Variants in MOXD1 observed in about 807,000 individuals in gnomAD.
MOXD1 encodes the protein DBH-like monooxygenase protein 1.
Under a neutral mutation model 66.6 loss-of-function variants are expected in MOXD1, and 62 were observed. The ratio of observed to expected loss-of-function variants is 0.93; its 90% CI spans 0.76 to 1.15. The LOEUF (loss-of-function observed/expected upper bound fraction) is 1.15. Among genes scored for constraint, MOXD1 ranks in the 50% most tolerant of loss-of-function variants. The pLI is 0.00. For missense variants in MOXD1, 847 were observed against 754.6 expected (o/e 1.12, Z -1.44); for synonymous variants, 303 against 281.9 (o/e 1.07, Z -0.75).
intron 1 of MOXD1, among the ~76,000 whole-genome samples, chr6:132,384,738 G>A (rs1776591592): frequency 6.6e-6 from 1 of 152,184 alleles, no homozygotes; most frequent in Admixed American, 6.5e-5. Flanking sequence ...GTGGGATGAA[G>A]CAAATAAAAG....
At chr6:132,338,148 C>A (rs929825133) in intron 4 of MOXD1, among the ~76,000 whole-genome samples, 11 of 152,114 alleles carry the variant, frequency 7.2e-5, no homozygotes, top group Admixed American at 5.2e-4. Flanking sequence ...GAAGATGAAG[C>A]ACATATAAGT....
At chr6:132,323,833 A>C in intron 7 of MOXD1, 98 bp downstream of exon 7, 2 of 1,300,718 alleles carry the variant, frequency 1.5e-6, no homozygotes, top group Non-Finnish European at 2.1e-6. Flanking sequence ...TCAACAAGAA[A>C]GGAATCGATA....
intron 1 of MOXD1, among the ~76,000 whole-genome samples, chr6:132,380,047 C>T (rs1010275469): frequency 8.5e-5 from 13 of 152,120 alleles, no homozygotes; most frequent in African/African-American, 2.4e-4. Flanking sequence ...CCACCATGCC[C>T]GGCCTGTAGT....
rs140079874 is a variant in MOXD1, at chr6:132,326,801, A to G, written c.946+1212T>C. 4.4e-3 allele frequency among the ~76,000 whole-genome samples: 667 copies of G among 152,328 alleles called. 2 individuals are homozygous for G. The highest frequency in any genetic ancestry group is 7.3e-3 in the Admixed American group (111 of 15,292). ...ATTAATTACTTTAGGGTAAAAAAAGATACTTTATTGGCTTGCTCACAAATA... is the reference window on the plus strand; with the variant it reads ...ATTAATTACTTTAGGGTAAAAAAAGGTACTTTATTGGCTTGCTCACAAATA... On this transcript the variant is annotated intron_variant, in intron 6 of 11. Transcript: ENST00000367963.
rs1159258092 is a variant in MOXD1 at position 132,382,909 on chromosome 6, TTGTC to T, written c.265-8136_265-8133del. 1.5e-4 allele frequency among the ~76,000 whole-genome samples: 23 copies of T among 152,322 alleles called. No individual in the cohort carries two copies. The East Asian group carries it at 4.4e-3, about 29-fold the overall frequency. ...CAGATGTTAAATTGGTTCTCACTCATTGTCAGTCTATTTTTCTCTCAAATAAAAT... is the reference window on the plus strand; with the variant it reads ...CAGATGTTAAATTGGTTCTCACTCATAGTCTATTTTTCTCTCAAATAAAAT... On this transcript the variant is annotated intron_variant, in intron 1 of 11. Coordinates refer to ENST00000367963, the MANE Select transcript of MOXD1 (RefSeq NM_015529.4).
intron 4 of MOXD1, among the ~76,000 whole-genome samples, chr6:132,340,101 T>C (rs972510481): frequency 1.3e-5 from 2 of 152,010 alleles, no homozygotes; most frequent in African/African-American, 4.8e-5. Flanking sequence ...AACTGGCTGG[T>C]CTCAAACTCC....
intron 4 of MOXD1, among the ~76,000 whole-genome samples, chr6:132,352,952 T>C (rs1230718768): frequency 1.3e-5 from 2 of 152,208 alleles, no homozygotes; most frequent in African/African-American, 4.8e-5. Context: ...GATGTAAGAA[T>C]AGCTACCCCT....
At chr6:132,376,501 CTTTTTTTTTT>C (rs1166086289) in intron 1 of MOXD1, among the ~76,000 whole-genome samples, 2 of 65,382 alleles carry the variant, frequency 3.1e-5, no homozygotes, top group East Asian at 8.6e-4. Context: ...ACTACAGCTT[CTTTTTTTTTT>C]TTTTTTTTTT....
At chr6:132,334,290 A>T (rs983208908) in intron 4 of MOXD1, among the ~76,000 whole-genome samples, 4 of 152,190 alleles carry the variant, frequency 2.6e-5, no homozygotes, top group African/African-American at 9.7e-5. Flanking sequence ...TCAGCTACTG[A>T]ATCCCATTGT....
intron 10 of MOXD1, among the ~76,000 whole-genome samples, chr6:132,306,035 G>A (rs920941336): frequency 6.6e-6 from 1 of 152,090 alleles, no homozygotes; most frequent in African/African-American, 2.4e-5. Flanking sequence ...GACAGAAGCA[G>A]GCTTCAGAAG....
intron 1 of MOXD1, among the ~76,000 whole-genome samples, chr6:132,383,329 A>G (rs1326654328): frequency 6.6e-6 from 1 of 152,200 alleles, no homozygotes; most frequent in Non-Finnish European, 1.5e-5. Flanking sequence ...TTAATAAGTT[A>G]TTTCTTCAGT....
chr6:132,382,120 T>A (rs1776523890), intron 1 of MOXD1, among the ~76,000 whole-genome samples: 1 of 152,114 alleles, frequency 6.6e-6, no homozygotes, highest in African/African-American at 2.4e-5. Context: ...TGTAATTGTA[T>A]AATATACGTA....
At chr6:132,342,034 G>A (rs575553046) in intron 4 of MOXD1, among the ~76,000 whole-genome samples, 2 of 151,886 alleles carry the variant, frequency 1.3e-5, no homozygotes, top group South Asian at 2.1e-4. Context: ...ATGGAGTCTC[G>A]CTCTGTTGCC....
At chr6:132,300,879 G>C (rs575504246) in intron 10 of MOXD1, among the ~76,000 whole-genome samples, 1 of 152,072 alleles carries the variant, frequency 6.6e-6, no homozygotes, top group Non-Finnish European at 1.5e-5. Context: ...ACTTGGTTTA[G>C]GCCCCTGTTC....
chr6:132,391,400 C>T (rs1003653864), intron 1 of MOXD1: 4 of 152,196 alleles, frequency 2.6e-5, no homozygotes, highest in East Asian at 1.9e-4. Flanking sequence ...TTTTTGCAGA[C>T]ATTTTTGCGT....
chr6:132,319,328 A>G (rs1775025770), intron 9 of MOXD1, among the ~76,000 whole-genome samples: 1 of 151,994 alleles, frequency 6.6e-6, no homozygotes, highest in Non-Finnish European at 1.5e-5. Flanking sequence ...TATCAAATTT[A>G]TGAGCCAATA....
chr6:132,329,954 T>G (rs992953006), intron 4 of MOXD1, among the ~76,000 whole-genome samples: 1 of 152,226 alleles, frequency 6.6e-6, no homozygotes, highest in South Asian at 2.1e-4. Context: ...TTGGTCCTAA[T>G]GTGGAAAGCG....
intron 6 of MOXD1, 27 bp downstream of exon 6, chr6:132,327,986 G>C (rs1562283358): frequency 6.4e-7 from 1 of 1,562,616 alleles, no homozygotes; most frequent in Non-Finnish European, 8.8e-7. Flanking sequence ...AAAAATCATA[G>C]GTAAAACATA....
At chr6:132,339,704 T>A (rs753624365) in intron 4 of MOXD1, among the ~76,000 whole-genome samples, 4 of 151,772 alleles carry the variant, frequency 2.6e-5, no homozygotes, top group Non-Finnish European at 5.9e-5. Context: ...ATCTGTAGAC[T>A]TTTACATGGT....
Sources: gnomAD v4.1 joint callset for allele counts (sites outside exome capture counted in the v4.1 genomes callset) on GRCh38, gnomAD v4.1.1 for gene constraint, MANE v1.5 for transcripts, NCBI Gene and HGNC (gene_info 2026-07-23, HGNC 2026-07-21) for gene names.